Variants in ZNF423 observed in about 807,000 individuals in gnomAD.
ZNF423 encodes Ebf-associated zinc finger protein.
Under a neutral mutation model 95.8 loss-of-function variants are expected in ZNF423, and 12 were observed. The observed-to-expected ratio is 0.13, with a 90% CI of 0.08 to 0.20. The LOEUF is 0.20. Among genes scored for constraint, ZNF423 ranks in the 10% least tolerant of loss-of-function variants. The pLI, the probability that ZNF423 is intolerant of heterozygous loss-of-function variation, is 1.00. For synonymous variants in ZNF423, 749 were observed against 711.9 expected, an observed-to-expected ratio of 1.05 and a Z score of -0.83; for missense variants, 1,316 against 1,737.1, an observed-to-expected ratio of 0.76 and a Z score of 4.31.
intron 5 of ZNF423, among the ~76,000 whole-genome samples, chr16:49,546,141 G>A (rs1969429472): frequency 6.6e-6 from 1 of 152,162 alleles, no homozygotes. Context: ...ACCCACAAAT[G>A]CAAGACATCT....
At chr16:49,754,756 A>G (rs1020990980) in intron 2 of ZNF423, among the ~76,000 whole-genome samples, 7 of 152,224 alleles carry the variant, frequency 4.6e-5, no homozygotes, top group African/African-American at 1.4e-4. Context: ...TAATGAGGAA[A>G]GCAATCATTA....
At chr16:49,599,811 C>T (rs1161343409) in intron 5 of ZNF423, among the ~76,000 whole-genome samples, 1 of 152,176 alleles carries the variant, frequency 6.6e-6, no homozygotes, top group Non-Finnish European at 1.5e-5. Context: ...ACAGGCAAAA[C>T]TCATCCACCG....
chr16:49,845,891 C>A (rs1479822986), intron 1 of ZNF423, among the ~76,000 whole-genome samples: 1 of 152,000 alleles, frequency 6.6e-6, no homozygotes, highest in Non-Finnish European at 1.5e-5. Context: ...GCCCAGCAGG[C>A]TGCTGGCATC....
At chr16:49,793,649 G>T (rs929915063) in intron 1 of ZNF423, among the ~76,000 whole-genome samples, 3 of 152,176 alleles carry the variant, frequency 2.0e-5, no homozygotes, top group Non-Finnish European at 4.4e-5. Context: ...GGGTGCACAG[G>T]GTATACCGGC....
intron 3 of ZNF423, among the ~76,000 whole-genome samples, chr16:49,695,678 C>A (rs797021897): frequency 2.5e-4 from 38 of 152,374 alleles, no homozygotes; most frequent in African/African-American, 8.7e-4. Context: ...CCACCCACCT[C>A]GGCCTCCCAA....
intron 3 of ZNF423, among the ~76,000 whole-genome samples, chr16:49,641,701 T>C (rs573067459): frequency 9.2e-5 from 14 of 152,284 alleles, no homozygotes; most frequent in South Asian, 2.1e-4. Context: ...AACCACTCAC[T>C]TTACGCATCT....
chr16:49,636,535 C>G lies in ZNF423; in HGVS notation c.2641G>C (p.Glu881Gln). 6.2e-7 allele frequency: 1 copy of G among 1,613,972 alleles called. No homozygotes were observed. The highest frequency in any genetic ancestry group is 1.7e-5 in the Admixed American group (1 of 60,038). Residue 881 changes from glutamate to glutamine, a missense_variant, in exon 4 of 8, where the codon GAG (glutamate) becomes CAG (glutamine). By Grantham distance (29) the Glu-to-Gln change is conservative. This residue lies in a region of ZNF423 where 620 missense variants were observed against 775.6 expected (regional missense o/e 0.80). Transcript: ENST00000563137. The surrounding 1 kb of genome is among the most constrained non-coding windows in gnomAD (Gnocchi z 8.6). ...LKNPEAPNSH[E>Q]ASEDDVDASE... ...GCGTCCACGTCATCCTCGCTGGCCT[C>G]ATGGCTGTTAGGTGCCTCAGGGTTC...
chr16:49,635,254 G>A lies in ZNF423; in HGVS notation c.3516+406C>T, dbSNP rs28593707. Among the ~76,000 whole-genome samples the A allele has an allele frequency of 6.6e-6, 1 of 152,144 alleles. No individual in the cohort carries two copies. The highest frequency in any genetic ancestry group is 2.4e-5 in the African/African-American group (1 of 41,436). On this transcript the variant is annotated intron_variant, in intron 4 of 7. Coordinates refer to ENST00000563137, the MANE Select transcript of ZNF423 (RefSeq NM_001379286.1). The surrounding 1 kb of genome is among the most constrained non-coding windows in gnomAD (Gnocchi z 4.8). ...TGACTTGCCTAAGGAGACCCAATAA[G>A]CAAATGAGTATGTCATACCCCAGCT...
In ZNF423 at chr16:49,635,969, C is replaced by A; in HGVS notation, c.3207G>T (p.Gln1069His). ...GGCACAGGGCGCACTTGTAGAGCTTCTGCAGCCCCTGGCCATTGGGGGAGG... is the reference window on the plus strand; with the variant it reads ...GGCACAGGGCGCACTTGTAGAGCTTATGCAGCCCCTGGCCATTGGGGGAGG... ...AASSPNGQGLQKLYKCALCLK... is the reference protein window; with the variant it reads ...AASSPNGQGLHKLYKCALCLK... The change falls in exon 4 of 8, where the codon CAG becomes CAT. Residue 1069 changes from glutamine to histidine, a missense_variant. Physicochemically the swap from Gln to His is conservative, Grantham distance 24. Coordinates refer to ENST00000563137, the MANE Select transcript of ZNF423 (RefSeq NM_001379286.1). This position sits in a 1 kb window ranked among gnomAD's most constrained non-coding sequence, Gnocchi z 4.8. 1 of 1,598,532 alleles carries A rather than the reference C, an allele frequency of 6.3e-7. No individual in the cohort carries two copies. Among genetic ancestry groups the A allele is most frequent in the Non-Finnish European group, 8.5e-7 (1 of 1,171,060 alleles).
intron 3 of ZNF423, among the ~76,000 whole-genome samples, chr16:49,679,214 G>A (rs1203637639): frequency 6.6e-6 from 1 of 152,246 alleles, no homozygotes; most frequent in African/African-American, 2.4e-5. Flanking sequence ...ACCCAGTCTG[G>A]AGCGACCGCT....
At chr16:49,623,538 G>C (rs1398484708) in intron 5 of ZNF423, among the ~76,000 whole-genome samples, 1 of 152,256 alleles carries the variant, frequency 6.6e-6, no homozygotes, top group Non-Finnish European at 1.5e-5. Flanking sequence ...ATTAACATCT[G>C]CTACAAAAGC....
At position 49,605,441 on chromosome 16, in the gene ZNF423, C is replaced by A. The variant is rs138390595; in HGVS notation, c.3601+20729G>T. Among the ~76,000 whole-genome samples, 391 of 152,320 alleles carry A rather than the reference C, an allele frequency of 2.6e-3. 4 individuals carry two copies. The highest frequency in any genetic ancestry group is 8.3e-3 in the African/African-American group (345 of 41,584). ...TAAAATGGACCACTTAGTCGTGAAG[C>A]TTCCAGCTTTTTCTTGGCTTCAACA... is the stretch of plus-strand genomic sequence containing the variant. On this transcript the variant is annotated intron_variant, in intron 5 of 7. Coordinates refer to ENST00000563137, the MANE Select transcript of ZNF423 (RefSeq NM_001379286.1).
At chr16:49,779,707 C>T (rs1009201522) in intron 2 of ZNF423, among the ~76,000 whole-genome samples, 1 of 152,146 alleles carries the variant, frequency 6.6e-6, no homozygotes, top group Admixed American at 6.5e-5. Flanking sequence ...CGCCAAAGAA[C>T]TATTGATTTC....
rs748113449 is a variant in ZNF423, at chr16:49,636,714, C to T, written c.2462G>A (p.Ser821Asn). Residue 821 changes from serine (S) to asparagine (N), a missense_variant, in exon 4 of 8, where the codon AGC becomes AAC. Ser to Asn is a conservative substitution (Grantham distance 46, BLOSUM62 1). Around this residue, in one of 6 missense-constraint regions of ZNF423, gnomAD observed 620 missense variants for 775.6 expected, o/e 0.80. Transcript: ENST00000563137. This position sits in a 1 kb window ranked among gnomAD's most constrained non-coding sequence, Gnocchi z 8.6. The stretch of plus-strand genomic sequence containing the variant: ...CAGGATGATGGCGTGGAAGGCCTTG[C>T]TGCAGAACTTACAGTTATACTTCTT... ...HSKKYNCKFC[S>N]KAFHAIILLE... The T allele has an allele frequency of 4.3e-6, 7 of 1,613,966 alleles. No homozygotes were observed. In the East Asian group the frequency reaches 1.3e-4, roughly 31 times the overall value.
chr16:49,776,528 G>A (rs541130745), intron 2 of ZNF423, among the ~76,000 whole-genome samples: 234 of 152,340 alleles, frequency 1.5e-3, no homozygotes, highest in African/African-American at 5.5e-3. Flanking sequence ...AGCTCACAAA[G>A]CTTCCCCCCA....
At chr16:49,813,750 G>T (rs938430272) in intron 1 of ZNF423, among the ~76,000 whole-genome samples, 1 of 152,208 alleles carries the variant, frequency 6.6e-6, no homozygotes, top group African/African-American at 2.4e-5. Flanking sequence ...TCTGTCACCT[G>T]CACCACTGAA....
rs563003664 is a variant in ZNF423 at position 49,768,766 on chromosome 16, A to G, written c.100+20721T>C. Among the ~76,000 whole-genome samples the G allele has an allele frequency of 2.8e-5, 3 of 107,094 alleles. No individual in the cohort carries two copies. The South Asian group carries it at 1.1e-3, about 40-fold the overall frequency. 70.3% of individuals were successfully genotyped at this position (107,094 alleles called of 152,430 possible). ...CCCAGTGGGTGCATCTGTCCCAGCC[A>G]CACACTCATGGCACCCAAAACACAT... On this transcript the variant is annotated intron_variant, in intron 2 of 7. Transcript: ENST00000563137.
chr16:49,636,659 A>G lies in ZNF423; in HGVS notation c.2517T>C (p.Cys839=), dbSNP rs761360598. The change falls in exon 4 of 8, where the codon TGT becomes TGC. Residue 839 remains cysteine, a synonymous_variant. Coordinates refer to ENST00000563137, the MANE Select transcript of ZNF423 (RefSeq NM_001379286.1). This position sits in a 1 kb window ranked among gnomAD's most constrained non-coding sequence, Gnocchi z 8.6. ...CGTTCTCGGTCGCAGCATCAAACAC[A>G]CAGTGCTTCTCCCGCAGGTGCTTCT... ...LLEKHLREKH[C]VFDAATENGT... 1.1e-5 allele frequency: 17 copies of G among 1,613,744 alleles called. No individual in the cohort carries two copies. In the African/African-American group the frequency reaches 1.6e-4, roughly 15 times the overall value.
chr16:49,856,427 G>GAA (rs550708499), upstream of ZNF423, among the ~76,000 whole-genome samples: 615 of 121,664 alleles, frequency 5.1e-3, 4 homozygotes, highest in African/African-American at 0.013. Flanking sequence ...TACCCCCCAG[G>GAA]AAAAAAAAAA....
Sources: allele counts gnomAD v4.1 joint callset (sites outside exome capture counted in the v4.1 genomes callset), GRCh38; gene constraint gnomAD v4.1.1; regional missense constraint gnomAD v4.1.1; non-coding constraint Gnocchi (gnomAD v3.1); transcripts MANE v1.5; gene names NCBI Gene and HGNC (gene_info 2026-07-23, HGNC 2026-07-21).